Variants in COL5A2 observed in about 807,000 individuals in gnomAD.
COL5A2 encodes the protein collagen type V alpha 2 chain, also known as collagen alpha-2(V) chain.
In COL5A2, 23 loss-of-function variants were observed where a neutral mutation model predicts 208.2. The observed-to-expected ratio is 0.11, with a 90% CI of 0.08 to 0.16. COL5A2 has a LOEUF of 0.16. Among genes scored for constraint, COL5A2 ranks in the 10% least tolerant of loss-of-function variants. COL5A2 has a pLI of 1.00. For missense variants in COL5A2, 1,590 were observed against 1,956.4 expected (o/e 0.81, Z 3.53); for synonymous variants, 625 against 628.5 (o/e 0.99, Z 0.08).
chr2:189,056,868 TACCA>T (rs935003656), intron 35 of COL5A2, 101 bp downstream of exon 35: 2 of 1,076,480 alleles, frequency 1.9e-6, no homozygotes, highest in African/African-American at 3.1e-5. Context: ...AACTCCTGAC[TACCA>T]AGGAAACATG....
At chr2:189,098,043 T>C (rs376533174) in intron 5 of COL5A2, among the ~76,000 whole-genome samples, 19,171 of 150,464 alleles carry the variant, frequency 0.13, 1,288 homozygotes, top group Middle Eastern at 0.18. Context: ...TTTCCCCCCC[T>C]GGGAAATGGC....
At chr2:189,034,595 C>T (rs182411240) in intron 53 of COL5A2, among the ~76,000 whole-genome samples, 9 of 152,190 alleles carry the variant, frequency 5.9e-5, no homozygotes, top group Admixed American at 1.3e-4. Flanking sequence ...GGATTAATTA[C>T]GCATTTTAGA....
At chr2:189,053,578 T>C in intron 37 of COL5A2, 101 bp from the exon 38 acceptor site, 1 of 1,079,768 alleles carries the variant, frequency 9.3e-7, no homozygotes, top group Non-Finnish European at 1.4e-6. Flanking sequence ...GACATGTAAA[T>C]ATAGAAAAAT....
intron 1 of COL5A2, among the ~76,000 whole-genome samples, chr2:189,160,559 C>T (rs1688339530): frequency 6.6e-6 from 1 of 152,124 alleles, no homozygotes; most frequent in East Asian, 1.9e-4. Context: ...TCCTATAGCT[C>T]TTCTTCCCTT....
chr2:189,101,935 T>C (rs1242862591), intron 3 of COL5A2, among the ~76,000 whole-genome samples: 1 of 152,092 alleles, frequency 6.6e-6, no homozygotes, highest in Admixed American at 6.6e-5. Flanking sequence ...GGCTTATTTC[T>C]GCATGTTCAC....
At chr2:189,280,243 T>C in the COL5A2 span, among the ~76,000 whole-genome samples, 1 of 152,204 alleles carries the variant, frequency 6.6e-6, no homozygotes, top group Non-Finnish European at 1.5e-5. Flanking sequence ...TTAAATTAGT[T>C]ATTTTAATTT....
upstream of COL5A2, among the ~76,000 whole-genome samples, chr2:189,228,980 C>G (rs1047279770): frequency 9.9e-5 from 15 of 151,622 alleles, no homozygotes; most frequent in Non-Finnish European, 2.1e-4. Context: ...GAGATTTATC[C>G]CTGGGATGCA....
At chr2:189,219,037 G>C (rs1301525822) in intron 1 of COL5A2, among the ~76,000 whole-genome samples, 1 of 152,072 alleles carries the variant, frequency 6.6e-6, no homozygotes, top group African/African-American at 2.4e-5. Flanking sequence ...GCATAGTCTG[G>C]TACTTTCAGA....
intron 1 of COL5A2, among the ~76,000 whole-genome samples, chr2:189,197,165 C>T (rs2105852345): frequency 6.6e-6 from 1 of 152,238 alleles, no homozygotes; most frequent in East Asian, 1.9e-4. Context: ...AGCCATTATC[C>T]TCAGCAAACT....
chr2:189,173,807 T>C (rs1223781389), intron 1 of COL5A2, among the ~76,000 whole-genome samples: 2 of 152,242 alleles, frequency 1.3e-5, no homozygotes, highest in East Asian at 1.9e-4. Context: ...GGAATATCTT[T>C]ATATAATTCC....
the COL5A2 span, among the ~76,000 whole-genome samples, chr2:189,304,521 A>G: frequency 1.3e-5 from 2 of 152,186 alleles, no homozygotes; most frequent in South Asian, 2.1e-4. Flanking sequence ...GTGAAGAGAG[A>G]GCAGGCACAT....
chr2:189,161,423 A>C (rs1688361350), intron 1 of COL5A2, among the ~76,000 whole-genome samples: 1 of 152,204 alleles, frequency 6.6e-6, no homozygotes, highest in South Asian at 2.1e-4. Context: ...CAAGTAAAAT[A>C]TAAATTTAAC....
intron 1 of COL5A2, among the ~76,000 whole-genome samples, chr2:189,209,578 C>T (rs1689186185): frequency 6.6e-6 from 1 of 152,114 alleles, no homozygotes; most frequent in Admixed American, 6.5e-5. Context: ...AGAATTTAAA[C>T]CTCAGTCTTT....
At chr2:189,357,779 A>AAAT in the COL5A2 span, among the ~76,000 whole-genome samples, 1 of 150,900 alleles carries the variant, frequency 6.6e-6, no homozygotes, top group Non-Finnish European at 1.5e-5. Flanking sequence ...AAAAAAAAAA[A>AAAT]ACTCCTGCAG....
At chr2:189,073,241 A>G (rs1686323042) in intron 17 of COL5A2, among the ~76,000 whole-genome samples, 1 of 152,020 alleles carries the variant, frequency 6.6e-6, no homozygotes, top group African/African-American at 2.4e-5. Flanking sequence ...TTTTGTTAGC[A>G]TAATTTACCT....
chr2:189,404,464 C>T, the COL5A2 span, among the ~76,000 whole-genome samples: 1 of 152,204 alleles, frequency 6.6e-6, no homozygotes, highest in Non-Finnish European at 1.5e-5. Flanking sequence ...CCACTCCCAA[C>T]TTCCTTATTC....
the COL5A2 span, among the ~76,000 whole-genome samples, chr2:189,250,978 ACCTGGAG>A: frequency 6.6e-6 from 1 of 152,098 alleles, no homozygotes. Context: ...AGAGAACAGA[ACCTGGAG>A]CCAGAAGTCT....
chr2:189,162,568 C>T (rs1440215514), intron 1 of COL5A2, among the ~76,000 whole-genome samples: 2 of 152,162 alleles, frequency 1.3e-5, no homozygotes, highest in East Asian at 3.8e-4. Context: ...CCAAAGTATA[C>T]CTCATTTATT....
chr2:189,389,080 G>GT, the COL5A2 span, among the ~76,000 whole-genome samples: 11 of 151,806 alleles, frequency 7.2e-5, no homozygotes, highest in Non-Finnish European at 1.5e-4. Context: ...ATTTTTAGGA[G>GT]TTTTTTTTGA....
Sources: allele counts gnomAD v4.1 joint callset (sites outside exome capture counted in the v4.1 genomes callset), GRCh38; gene constraint gnomAD v4.1.1; transcripts MANE v1.5; gene names NCBI Gene and HGNC (gene_info 2026-07-23, HGNC 2026-07-21).